Variants in TBC1D14 observed in about 807,000 individuals in gnomAD.
TBC1D14 encodes the protein TBC1 domain family, member 14.
Under a neutral mutation model 79.0 loss-of-function variants are expected in TBC1D14, and 26 were observed. The observed-to-expected ratio is 0.33, with a 90% CI of 0.24 to 0.46. TBC1D14 has a LOEUF of 0.46. TBC1D14 is among the 20% of genes least tolerant of loss of function. The probability of loss-of-function intolerance (pLI) is 1.00; values close to 1 mark genes in which losing one functional copy is unlikely to be tolerated. For synonymous variants in TBC1D14, 394 were observed against 349.9 expected (o/e 1.13, Z -1.40); for missense variants, 769 against 887.6 (o/e 0.87, Z 1.70).
intron 2 of TBC1D14, among the ~76,000 whole-genome samples, chr4:6,945,294 G>C (rs1713321036): frequency 6.6e-6 from 1 of 152,106 alleles, no homozygotes; most frequent in Admixed American, 6.6e-5. Flanking sequence ...TGAAAATACA[G>C]GAACAAGAAG....
At chr4:6,932,703 G>A (rs928267646) in intron 2 of TBC1D14, among the ~76,000 whole-genome samples, 1 of 152,178 alleles carries the variant, frequency 6.6e-6, no homozygotes, top group Non-Finnish European at 1.5e-5. Context: ...AGCGCAGTGT[G>A]GCCTTGAACT....
chr4:7,014,789 G>A (rs1338426394), intron 12 of TBC1D14, among the ~76,000 whole-genome samples: 1 of 152,220 alleles, frequency 6.6e-6, no homozygotes, highest in African/African-American at 2.4e-5. Context: ...CCAAAGTGCT[G>A]TCCATTCCTT....
chr4:7,004,233 T>C (rs1719958922), intron 7 of TBC1D14, among the ~76,000 whole-genome samples: 1 of 152,186 alleles, frequency 6.6e-6, no homozygotes, highest in Non-Finnish European at 1.5e-5. Context: ...AAGTTCTAAA[T>C]ATGGAGATTT....
rs575895047 is a variant in TBC1D14 at position 6,929,401 on chromosome 4, T to C, written c.722+5290T>C. 1.1e-4 allele frequency among the ~76,000 whole-genome samples: 16 copies of C among 152,220 alleles called. No individual in the cohort carries two copies. In the South Asian group the frequency reaches 3.1e-3, roughly 30 times the overall value. Reference sequence around the variant, plus strand: ...CTGGGTCAGTCCCTCTACTGTGTGATGAGGATCTGGAGAGAGATGTGAACA... The same window carrying C: ...CTGGGTCAGTCCCTCTACTGTGTGACGAGGATCTGGAGAGAGATGTGAACA... On this transcript the variant is annotated intron_variant, in intron 2 of 13. Transcript: ENST00000409757.
intron 7 of TBC1D14, among the ~76,000 whole-genome samples, chr4:7,004,353 G>A (rs1719973026): frequency 1.3e-5 from 2 of 152,356 alleles, no homozygotes; most frequent in South Asian, 4.1e-4. Flanking sequence ...GCAAGACGAG[G>A]CCTGTGCCAG....
intron 2 of TBC1D14, among the ~76,000 whole-genome samples, chr4:6,955,262 G>A (rs1327718713): frequency 2.0e-5 from 3 of 152,110 alleles, no homozygotes; most frequent in Admixed American, 6.5e-5. Context: ...AGTATACCTC[G>A]GAAGTGGGAT....
chr4:6,922,683 G>A (rs1723958879), intron 1 of TBC1D14, among the ~76,000 whole-genome samples: 2 of 152,122 alleles, frequency 1.3e-5, no homozygotes, highest in African/African-American at 4.8e-5. Context: ...CTTGACTTAT[G>A]TATGGGTTAT....
intron 3 of TBC1D14, among the ~76,000 whole-genome samples, chr4:6,978,999 G>A (rs1201042924): frequency 6.6e-6 from 1 of 152,140 alleles, no homozygotes; most frequent in Admixed American, 6.5e-5. Flanking sequence ...GACAAGGTGT[G>A]GTGATGAAGT....
At chr4:6,914,950 A>G (rs1173599072) in intron 1 of TBC1D14, among the ~76,000 whole-genome samples, 1 of 152,116 alleles carries the variant, frequency 6.6e-6, no homozygotes, top group African/African-American at 2.4e-5. Flanking sequence ...GAGGCAGGAG[A>G]ATCGCTTGAA....
intron 3 of TBC1D14, among the ~76,000 whole-genome samples, chr4:6,989,560 C>T (rs1247833108): frequency 1.3e-5 from 2 of 152,210 alleles, no homozygotes; most frequent in Non-Finnish European, 2.9e-5. Context: ...GTGGCTCGCC[C>T]CTCCTGGCAC....
chr4:6,923,827 A>G lies in TBC1D14; in HGVS notation c.438A>G (p.Lys146=), dbSNP rs759191151. 1 of 1,614,176 alleles carries G rather than the reference A, an allele frequency of 6.2e-7. No homozygotes were observed. The highest frequency in any genetic ancestry group is 1.1e-5 in the South Asian group (1 of 91,086). ...TAAAGCTCTATAGCCCGACCTCCAA[A>G]GCCCTGACCCGCAGCGATGATGTCT... is the stretch of plus-strand genomic sequence containing the variant. ...DSVKLYSPTS[K]ALTRSDDVSV... The change falls in exon 2 of 14, where the codon AAA becomes AAG. Residue 146 remains lysine (K), a synonymous_variant. Coordinates refer to ENST00000409757, the MANE Select transcript of TBC1D14 (RefSeq NM_020773.3).
intron 7 of TBC1D14, 108 bp from the exon 8 acceptor site, chr4:7,004,736 C>A: frequency 1.0e-6 from 1 of 965,014 alleles, no homozygotes; most frequent in Non-Finnish European, 1.6e-6. Flanking sequence ...TGCATTAAGC[C>A]TATTATAGTT....
intron 2 of TBC1D14, among the ~76,000 whole-genome samples, chr4:6,960,557 T>C (rs996678297): frequency 1.3e-5 from 2 of 152,220 alleles, no homozygotes; most frequent in African/African-American, 4.8e-5. Flanking sequence ...TTCAAAAAAA[T>C]GCCTGTTGGC....
intron 6 of TBC1D14, among the ~76,000 whole-genome samples, chr4:6,999,826 G>C (rs1464185696): frequency 2.0e-5 from 3 of 152,104 alleles, no homozygotes; most frequent in Non-Finnish European, 4.4e-5. Flanking sequence ...TCTCTTTGAG[G>C]ATAGTGACCC....
intron 3 of TBC1D14, chr4:6,987,567 A>C: frequency 2.5e-6 from 1 of 407,706 alleles, no homozygotes; most frequent in Non-Finnish European, 4.3e-6. Context: ...CCTCCCTGGT[A>C]CTCTTTGTGT....
chr4:6,959,035 C>A (rs1157581134), intron 2 of TBC1D14, among the ~76,000 whole-genome samples: 1 of 152,172 alleles, frequency 6.6e-6, no homozygotes, highest in African/African-American at 2.4e-5. Context: ...AGGCGCCTGC[C>A]ACTACGCCCG....
chr4:7,018,116 G>A (rs2109287071), intron 12 of TBC1D14, among the ~76,000 whole-genome samples: 1 of 152,284 alleles, frequency 6.6e-6, no homozygotes, highest in East Asian at 1.9e-4. Context: ...TGCCTTCGGG[G>A]TCTTTGCTGC....
chr4:6,935,519 C>G (rs975987876), intron 2 of TBC1D14, among the ~76,000 whole-genome samples: 13 of 151,782 alleles, frequency 8.6e-5, no homozygotes, highest in Non-Finnish European at 1.5e-4. Flanking sequence ...CGTGCGTGCT[C>G]TCTCCCTCTC....
chr4:6,941,117 G>T lies in TBC1D14; in HGVS notation c.722+17006G>T, dbSNP rs1712861534. On this transcript the variant is annotated intron_variant, in intron 2 of 13. Transcript: ENST00000409757. The stretch of plus-strand genomic sequence containing the variant: ...GATGTTTGTTCTGAATCCCACCTGG[G>T]TTTGATGGTCCATTTCCTTCTGTTG... Among the ~76,000 whole-genome samples, 3 of 151,006 alleles carry T rather than the reference G, an allele frequency of 2.0e-5. No individual in the cohort carries two copies. In the South Asian group the frequency reaches 6.3e-4, roughly 32 times the overall value.
Sources: allele counts gnomAD v4.1 joint callset (sites outside exome capture counted in the v4.1 genomes callset), GRCh38; gene constraint gnomAD v4.1.1; transcripts MANE v1.5; gene names NCBI Gene and HGNC (gene_info 2026-07-23, HGNC 2026-07-21).